The following LHFPL3 variants were observed in gnomAD, a reference collection of about 807,000 sequenced individuals.
LHFPL3 encodes LHFPL tetraspan subfamily member 3, also known as LHFPL tetraspan subfamily member 3 protein.
Under a neutral mutation model 19.3 loss-of-function variants are expected in LHFPL3, and 5 were observed. That is an observed-to-expected ratio of 0.26 (90% CI 0.14 to 0.54). The LOEUF is 0.54. Ranked by LOEUF, LHFPL3 falls within the 20% of genes least tolerant of loss-of-function variation. The pLI is 0.94. For synonymous variants in LHFPL3, 133 were observed against 126.2 expected (o/e 1.05, Z -0.36); for missense variants, 249 against 307.4 (o/e 0.81, Z 1.42).
chr7:104,571,145 C>A (rs760191753), intron 1 of LHFPL3, among the ~76,000 whole-genome samples: 1 of 152,128 alleles, frequency 6.6e-6, no homozygotes, highest in South Asian at 2.1e-4. Flanking sequence ...CTCTTATGAA[C>A]CCTTGCATCA....
intron 2 of LHFPL3, among the ~76,000 whole-genome samples, chr7:104,868,377 A>G (rs1176553999): frequency 6.6e-6 from 1 of 152,228 alleles, no homozygotes; most frequent in African/African-American, 2.4e-5. Flanking sequence ...CAACTTCAGC[A>G]AAGTCTCAGG....
At chr7:104,442,181 G>C (rs1019995216) in intron 1 of LHFPL3, among the ~76,000 whole-genome samples, 1 of 151,372 alleles carries the variant, frequency 6.6e-6, no homozygotes, top group South Asian at 2.1e-4. Flanking sequence ...ATATATATTG[G>C]CCATTCATAT....
chr7:104,845,521 C>T (rs1791297440), intron 2 of LHFPL3: 2 of 1,429,340 alleles, frequency 1.4e-6, no homozygotes, highest in Admixed American at 2.3e-5. Context: ...TTCTGATTCC[C>T]GCTTTCAGCG....
At chr7:104,881,364 A>C (rs1333565474) in intron 2 of LHFPL3, among the ~76,000 whole-genome samples, 1 of 152,192 alleles carries the variant, frequency 6.6e-6, no homozygotes, top group Non-Finnish European at 1.5e-5. Context: ...TAAAAATATC[A>C]ACATTAACAA....
intron 1 of LHFPL3, among the ~76,000 whole-genome samples, chr7:104,524,231 A>G (rs190103479): frequency 6.6e-6 from 1 of 152,284 alleles, no homozygotes; most frequent in African/African-American, 2.4e-5. Context: ...TGATGGCAAG[A>G]GAAGGAAAAG....
At chr7:104,492,371 T>G (rs533672892) in intron 1 of LHFPL3, among the ~76,000 whole-genome samples, 1 of 152,344 alleles carries the variant, frequency 6.6e-6, no homozygotes, top group South Asian at 2.1e-4. Context: ...AGTTACTTAC[T>G]AAGTAGTTTT....
chr7:104,677,894 A>G (rs1189828290), intron 1 of LHFPL3, among the ~76,000 whole-genome samples: 1 of 152,218 alleles, frequency 6.6e-6, no homozygotes, highest in Non-Finnish European at 1.5e-5. Flanking sequence ...TTTAATTTTC[A>G]TTGAGTTAAA....
chr7:104,384,809 A>G (rs983962222), intron 1 of LHFPL3, among the ~76,000 whole-genome samples: 2 of 148,204 alleles, frequency 1.3e-5, no homozygotes, highest in East Asian at 2.0e-4. Context: ...AAAAAAAAAA[A>G]AAGAAGAATG....
chr7:104,440,368 A>C (rs1192571191), intron 1 of LHFPL3, among the ~76,000 whole-genome samples: 1 of 151,678 alleles, frequency 6.6e-6, no homozygotes, highest in African/African-American at 2.4e-5. Context: ...GAACAATGAG[A>C]ATACTTGGAC....
chr7:104,843,382 C>T lies in LHFPL3; in HGVS notation c.683-62805C>T, dbSNP rs996740190. On this transcript the variant is annotated intron_variant, in intron 2 of 2. Transcript: ENST00000424859. Reference sequence around the variant, plus strand: ...CGATGGAAGCTGAGCACATTGCTGCCCTCTGTGTTTCAGGGAGCCAAGGCA... The same window carrying T: ...CGATGGAAGCTGAGCACATTGCTGCTCTCTGTGTTTCAGGGAGCCAAGGCA... Among the ~76,000 whole-genome samples the T allele has an allele frequency of 2.6e-5, 4 of 152,196 alleles. No homozygotes were observed. The South Asian group carries it at 8.3e-4, about 31-fold the overall frequency.
chr7:104,329,513 T>G (rs1361326682), intron 1 of LHFPL3, among the ~76,000 whole-genome samples: 1 of 152,292 alleles, frequency 6.6e-6, no homozygotes, highest in East Asian at 1.9e-4. Flanking sequence ...CCGAGTCCGC[T>G]CAGAACTAAG....
At chr7:104,456,403 C>T (rs1453557087) in intron 1 of LHFPL3, among the ~76,000 whole-genome samples, 2 of 152,170 alleles carry the variant, frequency 1.3e-5, no homozygotes, top group Non-Finnish European at 2.9e-5. Flanking sequence ...ATAAGTGAGA[C>T]TAGTCAGTGA....
chr7:104,661,753 T>C lies in LHFPL3; in HGVS notation c.446-74922T>C, dbSNP rs189592621. 3.3e-5 allele frequency among the ~76,000 whole-genome samples: 5 copies of C among 152,358 alleles called. No individual in the cohort carries two copies. In the East Asian group the frequency reaches 9.6e-4, roughly 29 times the overall value. ...GCAATTTCATGGATGGAAGATTCGT[T>C]CTCACTGTAGATTTTTGCAACATCA... On this transcript the variant is annotated intron_variant, in intron 1 of 2. Coordinates refer to ENST00000424859, the MANE Select transcript of LHFPL3 (RefSeq NM_199000.3).
intron 1 of LHFPL3, among the ~76,000 whole-genome samples, chr7:104,593,332 G>A (rs1466196333): frequency 3.3e-5 from 5 of 151,988 alleles, no homozygotes; most frequent in South Asian, 2.1e-4. Context: ...GTTCAGTTTC[G>A]ATGTAGTTGA....
At chr7:104,896,673 G>A (rs1201217192) in intron 2 of LHFPL3, among the ~76,000 whole-genome samples, 1 of 152,208 alleles carries the variant, frequency 6.6e-6, no homozygotes, top group African/African-American at 2.4e-5. Context: ...CAGGGTGCTG[G>A]AGTGCAGTCT....
Position 104,449,010 on chromosome 7 carries a change from A to G in LHFPL3, c.445+119786A>G, listed in dbSNP as rs575648689. Reference sequence around the variant, plus strand: ...ACGAAGTGCCTTTCAGATTAAAATTAAGATGATGCCTTTACCTATCTTTCA... The same window carrying G: ...ACGAAGTGCCTTTCAGATTAAAATTGAGATGATGCCTTTACCTATCTTTCA... On this transcript the variant is annotated intron_variant, in intron 1 of 2. Coordinates refer to ENST00000424859, the MANE Select transcript of LHFPL3 (RefSeq NM_199000.3). Among the ~76,000 whole-genome samples, 5 of 152,342 alleles carry G rather than the reference A, an allele frequency of 3.3e-5. No individual in the cohort carries two copies. The East Asian group carries it at 9.6e-4, about 29-fold the overall frequency.
chr7:104,388,871 A>G (rs571476624), intron 1 of LHFPL3, among the ~76,000 whole-genome samples: 315 of 152,222 alleles, frequency 2.1e-3, no homozygotes, highest in Non-Finnish European at 3.4e-3. Context: ...AATAGAAGGG[A>G]ATTTCCTCAA....
Position 104,822,641 on chromosome 7 carries a change from T to C in LHFPL3, c.683-83546T>C, listed in dbSNP as rs75955085. On this transcript the variant is annotated intron_variant, in intron 2 of 2. Transcript: ENST00000424859. The stretch of plus-strand genomic sequence containing the variant: ...AAGCTCTGTGGTCCAGAGGAAGGAA[T>C]AGTTTTTCTTATTCACACAAAGGCA... Among the ~76,000 whole-genome samples, 93 of 152,246 alleles carry C rather than the reference T, an allele frequency of 6.1e-4. 1 individual carries two copies. Among genetic ancestry groups the C allele is most frequent in the African/African-American group, 2.1e-3 (89 of 41,542 alleles).
chr7:104,495,460 T>C (rs1373113102), intron 1 of LHFPL3, among the ~76,000 whole-genome samples: 1 of 152,184 alleles, frequency 6.6e-6, no homozygotes, highest in Non-Finnish European at 1.5e-5. Flanking sequence ...CTCAGCTCAC[T>C]GCAAGCTCCA....
Sources: allele counts gnomAD v4.1 joint callset (sites outside exome capture counted in the v4.1 genomes callset), GRCh38; gene constraint gnomAD v4.1.1; transcripts MANE v1.5; gene names NCBI Gene and HGNC (gene_info 2026-07-23, HGNC 2026-07-21).